ZNF131: variants seen among roughly 807,000 people sequenced by gnomAD.
ZNF131 encodes zinc finger protein 131.
Under a neutral mutation model 60.0 loss-of-function variants are expected in ZNF131, and 7 were observed. That is an observed-to-expected ratio of 0.12 (90% confidence interval 0.07 to 0.22). The LOEUF is 0.22. ZNF131 is among the 10% of genes least tolerant of loss of function. The probability of loss-of-function intolerance (pLI) is 1.00; values close to 1 mark genes in which losing one functional copy is unlikely to be tolerated. For missense variants in ZNF131, 493 were observed against 740.9 expected (o/e 0.67, Z 3.88); for synonymous variants, 257 against 253.2 (o/e 1.01, Z -0.14).
chr5:43,157,439 C>T (rs943149342), intron 4 of ZNF131, among the ~76,000 whole-genome samples: 1 of 152,160 alleles, frequency 6.6e-6, no homozygotes, highest in Non-Finnish European at 1.5e-5. Context: ...CTGTCCCACC[C>T]ACCCATTCCC....
At position 43,175,141 on chromosome 5, in the gene ZNF131, C is replaced by T; in HGVS notation, c.*8C>T. 1.9e-6 allele frequency: 3 copies of T among 1,593,004 alleles called. No individual in the cohort carries two copies. The highest frequency in any genetic ancestry group is 2.6e-6 in the Non-Finnish European group (3 of 1,171,000). ...CTGCCAGTTTTAGAATGAAATTACA[C>T]ATGAATATATTTTTAAATTTACTTG... On this transcript the variant is annotated 3_prime_UTR_variant, in exon 7 of 7. Transcript: ENST00000682664.
chr5:43,169,388 C>T (rs568166564), intron 5 of ZNF131, among the ~76,000 whole-genome samples: 2 of 152,290 alleles, frequency 1.3e-5, no homozygotes, highest in African/African-American at 4.8e-5. Flanking sequence ...AAAATTGAGT[C>T]TCGTTTCTAC....
At position 43,161,584 on chromosome 5, in the gene ZNF131, C is replaced by G; in HGVS notation, c.707C>G (p.Pro236Arg). ...GGGCAGATTAAAGAAGATGGCTGTC[C>G]ATCTGACCCCACGAGCAAACAGGTA... ...RKGQIKEDGC[P>R]SDPTSKQVEG... is the part of the protein sequence containing the mutation. The change falls in exon 5 of 7, where the codon CCA (proline) becomes CGA (arginine). Residue 236 changes from proline (P) to arginine (R), a missense_variant. Transcript: ENST00000682664. The G allele has an allele frequency of 1.4e-5, 22 of 1,614,226 alleles. No individual in the cohort carries two copies. The highest frequency in any genetic ancestry group is 1.9e-5 in the Non-Finnish European group (22 of 1,180,036).
intron 3 of ZNF131, chr5:43,124,828 C>T (rs1290693120): frequency 6.6e-6 from 1 of 152,058 alleles, no homozygotes; most frequent in Non-Finnish European, 1.5e-5. Flanking sequence ...AAACAGGGTC[C>T]AGTCTAAGAA....
intron 5 of ZNF131, 154 bp from the exon 6 acceptor site, chr5:43,173,164 G>T: frequency 1.3e-6 from 1 of 775,146 alleles, no homozygotes; most frequent in Non-Finnish European, 1.9e-6. Flanking sequence ...AAAAGTCTTT[G>T]GAATATGGTG....
chr5:43,121,945 G>A (rs1743897971), intron 1 of ZNF131, 94 bp from the exon 2 acceptor site: 3 of 1,341,846 alleles, frequency 2.2e-6, no homozygotes, highest in Admixed American at 5.5e-5. Context: ...TTCTTTTCAC[G>A]TTGCTGGTTT....
intron 5 of ZNF131, among the ~76,000 whole-genome samples, chr5:43,162,591 T>TAA (rs35784533): frequency 2.2e-5 from 2 of 89,364 alleles, no homozygotes; most frequent in South Asian, 3.9e-4. Context: ...GACTCCATCT[T>TAA]AAAAAAAAAA....
intron 4 of ZNF131, among the ~76,000 whole-genome samples, chr5:43,148,764 T>A (rs867414541): frequency 1.1e-4 from 16 of 152,230 alleles, no homozygotes; most frequent in Middle Eastern, 3.2e-3. Context: ...AGGTATAATA[T>A]AAGCTGCACA....
intron 3 of ZNF131, among the ~76,000 whole-genome samples, chr5:43,135,787 A>G (rs1746006455): frequency 6.6e-6 from 1 of 152,034 alleles, no homozygotes. Flanking sequence ...CAGTATTGTT[A>G]AATTGTCCAT....
intron 3 of ZNF131, among the ~76,000 whole-genome samples, chr5:43,135,146 G>A (rs1745907096): frequency 6.6e-6 from 1 of 151,660 alleles, no homozygotes; most frequent in South Asian, 2.1e-4. Context: ...TTACAGGCAT[G>A]CACCACCACG....
At chr5:43,172,725 C>T (rs937007982) in intron 5 of ZNF131, among the ~76,000 whole-genome samples, 2 of 152,074 alleles carry the variant, frequency 1.3e-5, no homozygotes, top group Non-Finnish European at 2.9e-5. Context: ...TACCTCCGTG[C>T]CTCTTTCTTT....
In ZNF131 at chr5:43,132,505, C is replaced by CTTTTTTTTTTTTTTTTTTTTTTTTTATT. The variant is rs4050538; in HGVS notation, c.227-6637_227-6636insTTATTTTTTTTTTTTTTTTTTTTTTTTT. ...AAGTTCTAACTTCCTGAATGGTATT[C>CTTTTTTTTTTTTTTTTTTTTTTTTTATT]TTTTTTTTTTTTTTTTTTTTTTTGA... is the stretch of plus-strand genomic sequence containing the variant. On this transcript the variant is annotated intron_variant, in intron 3 of 6. Transcript: ENST00000682664. Among the ~76,000 whole-genome samples, 2 of 93,506 alleles carry CTTTTTTTTTTTTTTTTTTTTTTTTTATT rather than the reference C, an allele frequency of 2.1e-5. 1 individual carries two copies. 61.3% of individuals were successfully genotyped at this position (93,506 alleles called of 152,430 possible). A position where few individuals can be genotyped will look rare whatever the true frequency, so the allele number is the denominator to read the frequency against.
chr5:43,173,193 A>G, intron 5 of ZNF131, 125 bp from the exon 6 acceptor site: 1 of 1,024,576 alleles, frequency 9.8e-7, no homozygotes, highest in Non-Finnish European at 1.4e-6. Context: ...TGAATTCTGA[A>G]TTGTGATTTC....
At chr5:43,139,377 T>TTACAG in intron 4 of ZNF131, 68 bp downstream of exon 4, 1 of 1,391,814 alleles carries the variant, frequency 7.2e-7, no homozygotes. Flanking sequence ...AGTGAAGAAC[T>TTACAG]TACAGTATGT....
chr5:43,121,999 C>A, intron 1 of ZNF131, 40 bp from the exon 2 acceptor site: 1 of 1,585,954 alleles, frequency 6.3e-7, no homozygotes. Context: ...TTCCTCGGCT[C>A]GAGCTCATGG....
rs888669848 is a variant in ZNF131, at chr5:43,143,500, T to A, written c.371+4191T>A. ...TCTTAATTTCCTATCCCACTGGAAC[T>A]AGTTTAGATGAGCCAGACATCGTTT... is the stretch of plus-strand genomic sequence containing the variant. On this transcript the variant is annotated intron_variant, in intron 4 of 6. Coordinates refer to ENST00000682664, the MANE Select transcript of ZNF131 (RefSeq NM_001330707.2). 1.2e-5 allele frequency: 12 copies of A among 986,900 alleles called. No individual in the cohort carries two copies. The Admixed American group carries it at 2.7e-4, about 22-fold the overall frequency. The allele number at this position is 986,900 out of a possible 1,614,324, so 61.1% of individuals were successfully genotyped here.
Position 43,174,503 on chromosome 5 carries a change from C to T in ZNF131, c.1242C>T (p.His414=). 3 of 1,569,616 alleles carry T rather than the reference C, an allele frequency of 1.9e-6. No homozygotes were observed. Among genetic ancestry groups the T allele is most frequent in the Non-Finnish European group, 2.6e-6 (3 of 1,157,512 alleles). ...WDQFKDHLVI[H]TGDKPNHCTL... ...AGTTCAAAGATCACTTGGTAATACA[C>T]ACTGGAGATAAACCCAACCATTGTA... The change falls in exon 7 of 7, where the codon CAC becomes CAT. Residue 414 remains histidine (H), a synonymous_variant. Transcript: ENST00000682664.
At chr5:43,142,107 C>T (rs539390895) in intron 4 of ZNF131, among the ~76,000 whole-genome samples, 21 of 151,590 alleles carry the variant, frequency 1.4e-4, no homozygotes, top group East Asian at 9.9e-4. Flanking sequence ...TTTGGAAGGC[C>T]GAGGCGGGTG....
chr5:43,135,503 C>CT (rs70991483), intron 3 of ZNF131, among the ~76,000 whole-genome samples: 11,946 of 151,964 alleles, frequency 0.079, 646 homozygotes, highest in Non-Finnish European at 0.12. Context: ...AATCCCAGCA[C>CT]TTTGGGAGGC....
Sources: allele counts gnomAD v4.1 joint callset (sites outside exome capture counted in the v4.1 genomes callset), GRCh38; gene constraint gnomAD v4.1.1; transcripts MANE v1.5; gene names NCBI Gene and HGNC (gene_info 2026-07-23, HGNC 2026-07-21).